The following MNAT1 variants were observed in gnomAD, a reference collection of about 807,000 sequenced individuals.
The protein encoded by MNAT1 is CDK-activating kinase assembly factor MAT1.
A neutral mutation model predicts 42.0 loss-of-function variants in MNAT1; 43 were observed. The ratio of observed to expected loss-of-function variants is 1.02; its 90% CI spans 0.80 to 1.32. The LOEUF (loss-of-function observed/expected upper bound fraction) is 1.32. Among genes scored for constraint, MNAT1 ranks in the 40% most tolerant of loss-of-function variants. The pLI is 0.00. For synonymous variants in MNAT1, 118 were observed against 120.0 expected (o/e 0.98, Z 0.11); for missense variants, 306 against 350.4 (o/e 0.87, Z 1.01).
chr14:60,796,540 C>A (rs541734653), intron 2 of MNAT1, among the ~76,000 whole-genome samples, 171 bp downstream of exon 2: 1 of 152,138 alleles, frequency 6.6e-6, no homozygotes, highest in East Asian at 1.9e-4. Flanking sequence ...TAAAGAAGAG[C>A]CTCTTGATTG....
intron 7 of MNAT1, among the ~76,000 whole-genome samples, chr14:60,953,519 C>T (rs968029751): frequency 6.6e-6 from 1 of 152,108 alleles, no homozygotes; most frequent in East Asian, 1.9e-4. Flanking sequence ...TATGGAAGAT[C>T]TATCTTTTGT....
intron 7 of MNAT1, among the ~76,000 whole-genome samples, chr14:60,904,264 G>A (rs1039750128): frequency 6.6e-6 from 1 of 152,100 alleles, no homozygotes; most frequent in African/African-American, 2.4e-5. Flanking sequence ...ACTGCAATAT[G>A]CATGTGTATA....
At chr14:60,875,318 G>C (rs1437201704) in intron 6 of MNAT1, among the ~76,000 whole-genome samples, 1 of 152,042 alleles carries the variant, frequency 6.6e-6, no homozygotes, top group African/African-American at 2.4e-5. Flanking sequence ...CAGTAATTGA[G>C]AGATCTAACT....
intron 6 of MNAT1, among the ~76,000 whole-genome samples, chr14:60,857,462 G>T (rs1373996381): frequency 1.3e-5 from 2 of 152,206 alleles, no homozygotes; most frequent in African/African-American, 4.8e-5. Flanking sequence ...GATGAGCAAA[G>T]AAAGTGGTTT....
chr14:60,898,925 A>AT (rs1191706549), intron 7 of MNAT1, among the ~76,000 whole-genome samples: 1 of 151,982 alleles, frequency 6.6e-6, no homozygotes, highest in Admixed American at 6.6e-5. Context: ...CCTTGAGTTG[A>AT]TTTTTGTATA....
intron 6 of MNAT1, among the ~76,000 whole-genome samples, chr14:60,855,633 C>A (rs1183013509): frequency 1.3e-5 from 2 of 152,116 alleles, no homozygotes; most frequent in African/African-American, 2.4e-5. Flanking sequence ...ATGGGTTGGA[C>A]CCACTGCCTA....
At chr14:60,757,690 G>T (rs2030417575) in intron 1 of MNAT1, among the ~76,000 whole-genome samples, 1 of 152,150 alleles carries the variant, frequency 6.6e-6, no homozygotes, top group Non-Finnish European at 1.5e-5. Context: ...GAGAAATACT[G>T]ATGAGTCACA....
intron 7 of MNAT1, among the ~76,000 whole-genome samples, chr14:60,942,472 CT>C (rs1160488322): frequency 7.5e-6 from 1 of 134,166 alleles, no homozygotes; most frequent in Admixed American, 7.6e-5. Context: ...AATTTGGACT[CT>C]TTTAGTCTTA....
intron 1 of MNAT1, among the ~76,000 whole-genome samples, chr14:60,769,834 A>G (rs954265800): frequency 1.3e-5 from 2 of 151,796 alleles, no homozygotes; most frequent in African/African-American, 4.8e-5. Flanking sequence ...GTGTTTTTAA[A>G]ATGTTTTTTT....
rs573766961 is a variant in MNAT1, at chr14:60,812,186, G to A, written c.561+59G>A. 778 of 1,442,590 alleles carry A rather than the reference G, an allele frequency of 5.4e-4. 11 individuals are homozygous for A. In the South Asian group the frequency reaches 0.012, roughly 23 times the overall value. The allele number at this position is 1,442,590 out of a possible 1,614,324, so 89.4% of individuals were successfully genotyped here. On this transcript the variant is annotated intron_variant, in intron 5 of 7. Coordinates refer to ENST00000261245, the MANE Select transcript of MNAT1 (RefSeq NM_002431.4). ...CATTCTTCAGGATTTACCTTTCCTA[G>A]TAGGCTGGATGATGGCATTTAAAGG...
At chr14:60,888,410 G>A (rs1040133237) in intron 7 of MNAT1, among the ~76,000 whole-genome samples, 15 of 152,074 alleles carry the variant, frequency 9.9e-5, no homozygotes, top group Admixed American at 2.0e-4. Context: ...CTTCATGCTA[G>A]AAACTCTCAA....
At chr14:60,848,418 A>G (rs1269505797) in intron 6 of MNAT1, among the ~76,000 whole-genome samples, 1 of 152,162 alleles carries the variant, frequency 6.6e-6, no homozygotes, top group African/African-American at 2.4e-5. Context: ...GGGCTTTAGC[A>G]TGAACTGGTA....
chr14:60,790,287 C>T (rs2031776981), intron 1 of MNAT1, among the ~76,000 whole-genome samples: 4 of 152,172 alleles, frequency 2.6e-5, no homozygotes, highest in African/African-American at 7.2e-5. Flanking sequence ...AAGCTGGGAA[C>T]TGCTTAGTGC....
intron 1 of MNAT1, among the ~76,000 whole-genome samples, chr14:60,772,039 A>G (rs1237579211): frequency 6.6e-6 from 1 of 152,176 alleles, no homozygotes; most frequent in Admixed American, 6.5e-5. Flanking sequence ...CTTGTTGAAC[A>G]CTTGTTTAGA....
chr14:60,892,836 G>A (rs2034874140), intron 7 of MNAT1, among the ~76,000 whole-genome samples: 1 of 152,004 alleles, frequency 6.6e-6, no homozygotes, highest in African/African-American at 2.4e-5. Flanking sequence ...CTTAACTTCA[G>A]TAACATGCAG....
intron 7 of MNAT1, among the ~76,000 whole-genome samples, chr14:60,931,786 C>T (rs2035890028): frequency 6.6e-6 from 1 of 151,374 alleles, no homozygotes; most frequent in Non-Finnish European, 1.5e-5. Flanking sequence ...ATATCTATAA[C>T]CTTTGACACT....
intron 6 of MNAT1, among the ~76,000 whole-genome samples, chr14:60,838,697 C>CCTGCTGGCAGCTG (rs781140945): frequency 1.1e-4 from 16 of 151,564 alleles, no homozygotes; most frequent in Non-Finnish European, 1.9e-4. Context: ...GCCCTGTGCT[C>CCTGCTGGCAGCTG]CTGCTGGCAG....
At chr14:60,808,187 A>G (rs913350035) in intron 3 of MNAT1, 138 bp from the exon 4 acceptor site, 9 of 517,762 alleles carry the variant, frequency 1.7e-5, no homozygotes, top group East Asian at 3.7e-5. Flanking sequence ...TAAAATAGGT[A>G]GCTGATTAAA....
chr14:60,927,308 T>C (rs1330444372), intron 7 of MNAT1, among the ~76,000 whole-genome samples: 1 of 152,202 alleles, frequency 6.6e-6, no homozygotes, highest in African/African-American at 2.4e-5. Flanking sequence ...CCCAATTTCG[T>C]TAATTTTAGT....
Sources: allele counts gnomAD v4.1 joint callset (sites outside exome capture counted in the v4.1 genomes callset), GRCh38; gene constraint gnomAD v4.1.1; transcripts MANE v1.5; gene names NCBI Gene and HGNC (gene_info 2026-07-23, HGNC 2026-07-21).